GRIN2D: variants seen among roughly 807,000 people sequenced by gnomAD.
GRIN2D encodes the protein glutamate receptor ionotropic, NMDA 2D.
In GRIN2D, 37 loss-of-function variants were observed where a neutral mutation model predicts 103.2. That is an observed-to-expected ratio of 0.36 (90% CI 0.28 to 0.47). The LOEUF (loss-of-function observed/expected upper bound fraction) is 0.47, where lower values mean the gene tolerates loss of function less well. Among genes scored for constraint, GRIN2D ranks in the 20% least tolerant of loss-of-function variants. The probability of loss-of-function intolerance (pLI) is 1.00; values close to 1 mark genes in which losing one functional copy is unlikely to be tolerated. For synonymous variants in GRIN2D, 845 were observed against 885.6 expected (o/e 0.95, Z 0.81); for missense variants, 1,557 against 1,910.6 (o/e 0.81, Z 3.45).
Position 48,414,695 on chromosome 19 carries a change from TC to T in GRIN2D, c.1412+113del. The T allele has an allele frequency of 1.6e-6, 2 of 1,250,786 alleles. No individual in the cohort carries two copies. The highest frequency in any genetic ancestry group is 2.2e-6 in the Non-Finnish European group (2 of 898,278). 77.5% of individuals were successfully genotyped at this position (1,250,786 alleles called of 1,614,324 possible). ...TTGGGACCCAGGACCCACAAAGCCC[TC>T]CAGCTTGGTGACCTTAGGCAAACCT... On this transcript the variant is annotated intron_variant, in intron 6 of 13. Coordinates refer to ENST00000263269, the MANE Select transcript of GRIN2D (RefSeq NM_000836.4). This position sits in a 1 kb window ranked among gnomAD's most constrained non-coding sequence, Gnocchi z 4.6.
At chr19:48,439,677 C>G (rs543267836) in intron 11 of GRIN2D, among the ~76,000 whole-genome samples, 1 of 152,336 alleles carries the variant, frequency 6.6e-6, no homozygotes, top group East Asian at 1.9e-4. Context: ...CCTATAATCC[C>G]AGCACCTTGG....
At chr19:48,424,411 C>T (rs944755353) in intron 11 of GRIN2D, among the ~76,000 whole-genome samples, 1 of 150,914 alleles carries the variant, frequency 6.6e-6, no homozygotes, top group African/African-American at 2.5e-5. Context: ...GCTGGGACTA[C>T]AGGCGCCCAC....
chr19:48,405,018 A>T lies in GRIN2D; in HGVS notation c.750A>T (p.Arg250=). 1 of 1,612,220 alleles carries T rather than the reference A, an allele frequency of 6.2e-7. No individual in the cohort carries two copies. The highest frequency in any genetic ancestry group is 1.3e-5 in the African/African-American group (1 of 74,996). ...SAQIRLLFCA[R]EEAEPVFRAA... ...AGATCCGCCTGCTCTTCTGCGCCCG[A>T]GAGGAGGCCGAGCCCGTGTTCCGCG... The change falls in exon 4 of 14, where the codon CGA becomes CGT. Residue 250 remains arginine, a synonymous_variant. Transcript: ENST00000263269. This position sits in a 1 kb window ranked among gnomAD's most constrained non-coding sequence, Gnocchi z 5.1.
intron 4 of GRIN2D, among the ~76,000 whole-genome samples, chr19:48,407,569 G>A (rs904670179): frequency 6.6e-6 from 1 of 152,160 alleles, no homozygotes; most frequent in Non-Finnish European, 1.5e-5. Context: ...CTAGGAGAAG[G>A]TATCTGAGCT....
chr19:48,398,431 C>T lies in GRIN2D; in HGVS notation c.39C>T (p.Pro13=). 8.9e-7 allele frequency: 1 copy of T among 1,118,326 alleles called. No homozygotes were observed. Among genetic ancestry groups the T allele is most frequent in the Non-Finnish European group, 1.1e-6 (1 of 916,260 alleles). The allele number at this position is 1,118,326 out of a possible 1,614,324, so 69.3% of individuals were successfully genotyped here. A position where few individuals can be genotyped will look rare whatever the true frequency, so the allele number is the denominator to read the frequency against. Residue 13 remains proline (P), a synonymous_variant, in exon 3 of 14, where the codon CCC becomes CCT. Transcript: ENST00000263269. ...GTGGCCCCCGCGGCCCTCGGGGCCC[C>T]GCTAAGATGCTGCTGCTGCTGGCGC... ...GAGGPRGPRG[P]AKMLLLLALA... is the part of the protein sequence containing the mutation.
chr19:48,424,318 T>C (rs1971061164), intron 11 of GRIN2D, among the ~76,000 whole-genome samples: 1 of 146,566 alleles, frequency 6.8e-6, no homozygotes, highest in South Asian at 2.2e-4. Flanking sequence ...TTGCCCAGGC[T>C]GGAGTGCAGT....
chr19:48,401,263 G>T (rs1167242498), intron 3 of GRIN2D, among the ~76,000 whole-genome samples: 6 of 150,646 alleles, frequency 4.0e-5, no homozygotes, highest in Admixed American at 6.6e-5. Context: ...TAGAGGGGGG[G>T]GGAAAAAAAG....
Position 48,444,229 on chromosome 19 carries a change from T to TG in GRIN2D, c.*298dup, listed in dbSNP as rs528031307. ...TAACGTCACCAGATGGGGCGGGAGG[T>TG]GGGGGGTTCACGCCACTCCCGCGTC... is the stretch of plus-strand genomic sequence containing the variant. On this transcript the variant is annotated 3_prime_UTR_variant, in exon 14 of 14. Coordinates refer to ENST00000263269, the MANE Select transcript of GRIN2D (RefSeq NM_000836.4). This position sits in a 1 kb window ranked among gnomAD's most constrained non-coding sequence, Gnocchi z 5.5. 13 of 259,706 alleles carry TG rather than the reference T, an allele frequency of 5.0e-5. No individual in the cohort carries two copies. In the South Asian group the frequency reaches 1.8e-3, roughly 36 times the overall value. 16.1% of individuals were successfully genotyped at this position (259,706 alleles called of 1,614,324 possible).
Position 48,419,216 on chromosome 19 carries a change from G to A in GRIN2D, c.1736-18G>A, listed in dbSNP as rs1424054942. 1.9e-6 allele frequency: 3 copies of A among 1,596,166 alleles called. No homozygotes were observed. In the Admixed American group the frequency reaches 5.6e-5, roughly 30 times the overall value. ...TTTTGCTTGGCTGAGCCATAACCAC[G>A]CACTCCCTTGTCCCCAGAGCCCTAC... On this transcript the variant is annotated intron_variant, in intron 8 of 13. Transcript: ENST00000263269.
rs1160641963 is a variant in GRIN2D, at chr19:48,442,997, T to C, written c.3071T>C (p.Phe1024Ser). Reference protein sequence around the residue: ...KEPAEPPAGAFPGFPSPPAPP... With the variant: ...KEPAEPPAGASPGFPSPPAPP... ...CCAGCCGAGCCCCCCGCCGGCGCCT[T>C]CCCCGGCTTCCCGTCGCCGCCCGCG... The change falls in exon 14 of 14, where the codon TTC becomes TCC. Residue 1024 changes from phenylalanine to serine, a missense_variant. Coordinates refer to ENST00000263269, the MANE Select transcript of GRIN2D (RefSeq NM_000836.4). This position sits in a 1 kb window ranked among gnomAD's most constrained non-coding sequence, Gnocchi z 7.2. 1.9e-6 allele frequency: 2 copies of C among 1,065,544 alleles called. No homozygotes were observed. Among genetic ancestry groups the C allele is most frequent in the Non-Finnish European group, 1.1e-6 (1 of 882,112 alleles). The allele number at this position is 1,065,544 out of a possible 1,614,324, so 66.0% of individuals were successfully genotyped here.
rs755027413 is a variant in GRIN2D at position 48,405,030 on chromosome 19, G to T, written c.762G>T (p.Glu254Asp). ...TCTTCTGCGCCCGAGAGGAGGCCGAGCCCGTGTTCCGCGCAGCTGAGGAGG... is the reference window on the plus strand; with the variant it reads ...TCTTCTGCGCCCGAGAGGAGGCCGATCCCGTGTTCCGCGCAGCTGAGGAGG... ...RLLFCAREEAEPVFRAAEEAG... is the reference protein window; with the variant it reads ...RLLFCAREEADPVFRAAEEAG... Residue 254 changes from glutamate to aspartate, a missense_variant, in exon 4 of 14, where the codon GAG becomes GAT. By Grantham distance (45) the Glu-to-Asp change is conservative. This residue lies in a region of GRIN2D where 490 missense variants were observed against 601.1 expected (regional missense o/e 0.82). Coordinates refer to ENST00000263269, the MANE Select transcript of GRIN2D (RefSeq NM_000836.4). The surrounding 1 kb of genome is among the most constrained non-coding windows in gnomAD (Gnocchi z 5.1). 6.2e-7 allele frequency: 1 copy of T among 1,612,010 alleles called. No homozygotes were observed. The highest frequency in any genetic ancestry group is 8.5e-7 in the Non-Finnish European group (1 of 1,179,246).
Position 48,443,702 on chromosome 19 carries a change from G to A in GRIN2D, c.3776G>A (p.Gly1259Asp). 1.5e-6 allele frequency: 2 copies of A among 1,297,544 alleles called. No individual in the cohort carries two copies. The highest frequency in any genetic ancestry group is 2.0e-6 in the Non-Finnish European group (2 of 1,024,980). The allele number at this position is 1,297,544 out of a possible 1,614,324, so 80.4% of individuals were successfully genotyped here. ...CACAGGCACCGGCGCGCCGCTGGGG[G>A]CTGGGACCTCCCGCCGCCCGCGCCC... is the stretch of plus-strand genomic sequence containing the variant. ...HHHRHRRAAG[G>D]WDLPPPAPTS... The change falls in exon 14 of 14, where the codon GGC (glycine) becomes GAC (aspartate). Residue 1259 changes from glycine (G) to aspartate (D), a missense_variant. Around this residue, in one of 7 missense-constraint regions of GRIN2D, gnomAD observed 632 missense variants for 572.8 expected, o/e 1.10. Transcript: ENST00000263269. This position sits in a 1 kb window ranked among gnomAD's most constrained non-coding sequence, Gnocchi z 8.9.
chr19:48,438,202 A>G (rs1971252941), intron 11 of GRIN2D, among the ~76,000 whole-genome samples: 1 of 151,480 alleles, frequency 6.6e-6, no homozygotes, highest in African/African-American at 2.4e-5. Flanking sequence ...TTAAATCAAC[A>G]GACAGGCTAA....
At chr19:48,428,658 C>T (rs1275162826) in intron 11 of GRIN2D, among the ~76,000 whole-genome samples, 1 of 152,134 alleles carries the variant, frequency 6.6e-6, no homozygotes, top group Non-Finnish European at 1.5e-5. Flanking sequence ...CCACTGCGCC[C>T]GGCCCAAGTT....
intron 11 of GRIN2D, among the ~76,000 whole-genome samples, chr19:48,431,307 C>T (rs1340073705): frequency 2.0e-5 from 3 of 152,164 alleles, no homozygotes; most frequent in Admixed American, 1.3e-4. Context: ...CTGACAGAGG[C>T]ACATAGCGGG....
Position 48,442,469 on chromosome 19 carries a change from C to A in GRIN2D, c.2673+87C>A. The A allele has an allele frequency of 6.5e-7, 1 of 1,534,020 alleles. No homozygotes were observed. The highest frequency in any genetic ancestry group is 1.2e-5 in the South Asian group (1 of 85,072). On this transcript the variant is annotated intron_variant, in intron 13 of 13. Transcript: ENST00000263269. This position sits in a 1 kb window ranked among gnomAD's most constrained non-coding sequence, Gnocchi z 7.2. ...CGAGCAGAGACAAGGAGATGTGGGTCGAGATGTGGATAGTGGGGAAGAGAG... is the reference window on the plus strand; with the variant it reads ...CGAGCAGAGACAAGGAGATGTGGGTAGAGATGTGGATAGTGGGGAAGAGAG...
chr19:48,442,870 G>A lies in GRIN2D; in HGVS notation c.2944G>A (p.Ala982Thr). 1.8e-6 allele frequency: 2 copies of A among 1,083,470 alleles called. No homozygotes were observed. The highest frequency in any genetic ancestry group is 3.9e-5 in the South Asian group (1 of 25,830). 67.1% of individuals were successfully genotyped at this position (1,083,470 alleles called of 1,614,324 possible). A position where few individuals can be genotyped will look rare whatever the true frequency, so the allele number is the denominator to read the frequency against. The change falls in exon 14 of 14, where the codon GCG (alanine) becomes ACG (threonine). Residue 982 changes from alanine to threonine, a missense_variant. By Grantham distance (58) the Ala-to-Thr change is moderately conservative. Coordinates refer to ENST00000263269, the MANE Select transcript of GRIN2D (RefSeq NM_000836.4). The surrounding 1 kb of genome is among the most constrained non-coding windows in gnomAD (Gnocchi z 7.2). ...GLGLGLGEAR[A>T]APRGAAGRPL... ...AGGCCTCGGCCTGGGCGAAGCGCGC[G>A]CGGCACCGCGGGGCGCAGCCGGGCG...
chr19:48,424,248 G>A (rs1317825774), intron 11 of GRIN2D, among the ~76,000 whole-genome samples: 1 of 129,672 alleles, frequency 7.7e-6, no homozygotes, highest in Admixed American at 7.5e-5. Flanking sequence ...AGACCCCCTT[G>A]ACTCACAAAA....
intron 11 of GRIN2D, among the ~76,000 whole-genome samples, chr19:48,437,359 G>T (rs1971244587): frequency 1.3e-5 from 2 of 152,078 alleles, no homozygotes; most frequent in Admixed American, 1.3e-4. Context: ...GACCCAAGCA[G>T]TCCTCCTGCC....
Sources: gnomAD v4.1 joint callset for allele counts (sites outside exome capture counted in the v4.1 genomes callset) on GRCh38, gnomAD v4.1.1 for gene constraint, gnomAD v4.1.1 regional missense constraint, Gnocchi (gnomAD v3.1) non-coding constraint, MANE v1.5 for transcripts, NCBI Gene and HGNC (gene_info 2026-07-23, HGNC 2026-07-21) for gene names.